The following BRINP3 variants were observed in gnomAD, a reference collection of about 807,000 sequenced individuals.
The protein encoded by BRINP3 is BMP/retinoic acid inducible neural specific 3, also known as BMP/retinoic acid-inducible neural-specific protein 3.
A neutral mutation model predicts 71.0 loss-of-function variants in BRINP3; 19 were observed. The ratio of observed to expected loss-of-function variants is 0.27; its 90% CI spans 0.19 to 0.39. BRINP3 has a LOEUF of 0.39. BRINP3 is among the 10% of genes least tolerant of loss of function. The pLI, the probability that BRINP3 is intolerant of heterozygous loss-of-function variation, is 1.00. For synonymous variants in BRINP3, 380 were observed against 337.7 expected (o/e 1.13, Z -1.37); for missense variants, 959 against 940.8 (o/e 1.02, Z -0.25).
At chr1:190,396,476 T>C (rs878929993) in intron 2 of BRINP3, among the ~76,000 whole-genome samples, 1 of 151,258 alleles carries the variant, frequency 6.6e-6, no homozygotes, top group South Asian at 2.1e-4. Context: ...TTGTAAGTCT[T>C]CAAAAACTAG....
intron 2 of BRINP3, among the ~76,000 whole-genome samples, chr1:190,376,069 C>T (rs1383294581): frequency 6.6e-6 from 1 of 151,940 alleles, no homozygotes; most frequent in African/African-American, 2.4e-5. Flanking sequence ...AATTTTAAGG[C>T]ACTCACAGTT....
intron 7 of BRINP3, among the ~76,000 whole-genome samples, chr1:190,101,245 A>G (rs931123508): frequency 7.9e-5 from 12 of 152,180 alleles, no homozygotes; most frequent in African/African-American, 2.4e-4. Flanking sequence ...TCTCTCAAAA[A>G]TTCTCCCAAA....
chr1:190,321,313 T>G (rs185868364), intron 2 of BRINP3, among the ~76,000 whole-genome samples: 1 of 152,224 alleles, frequency 6.6e-6, no homozygotes, highest in East Asian at 1.9e-4. Context: ...TAACTGTAAT[T>G]TGAATTAAGT....
At chr1:190,292,622 C>A (rs761022326) in intron 2 of BRINP3, among the ~76,000 whole-genome samples, 7 of 152,124 alleles carry the variant, frequency 4.6e-5, no homozygotes, top group Non-Finnish European at 1.0e-4. Flanking sequence ...CACTGCACCT[C>A]AGCCTGGGTG....
chr1:190,360,467 T>G (rs1669068639), intron 2 of BRINP3, among the ~76,000 whole-genome samples: 1 of 152,214 alleles, frequency 6.6e-6, no homozygotes, highest in Non-Finnish European at 1.5e-5. Context: ...AGGTGTATCA[T>G]GAGTAAGTTC....
chr1:190,165,462 G>T (rs2488476), intron 6 of BRINP3, among the ~76,000 whole-genome samples: 14,011 of 55,510 alleles, frequency 0.25, 1,655 homozygotes, highest in African/African-American at 0.28. Context: ...TTTTTTTTTT[G>T]TGTGTGTGTG....
At chr1:190,332,598 A>G (rs937373845) in intron 2 of BRINP3, among the ~76,000 whole-genome samples, 1 of 151,998 alleles carries the variant, frequency 6.6e-6, no homozygotes, top group Non-Finnish European at 1.5e-5. Context: ...GTCTTTCTCA[A>G]AACAACAGGC....
chr1:190,380,152 G>A (rs1670458538), intron 2 of BRINP3, among the ~76,000 whole-genome samples: 1 of 152,036 alleles, frequency 6.6e-6, no homozygotes, highest in Admixed American at 6.6e-5. Flanking sequence ...CAATAGTCCA[G>A]GTCAAATATG....
chr1:190,120,768 C>T (rs1269854455), intron 7 of BRINP3, among the ~76,000 whole-genome samples: 1 of 151,862 alleles, frequency 6.6e-6, no homozygotes, highest in Non-Finnish European at 1.5e-5. Context: ...TCCCAAAGTG[C>T]TGGTATTACA....
intron 7 of BRINP3, among the ~76,000 whole-genome samples, chr1:190,133,490 A>C (rs1216692622): frequency 1.3e-5 from 2 of 152,102 alleles, no homozygotes; most frequent in South Asian, 2.1e-4. Context: ...GAGGTGTTAT[A>C]GATAATTTGG....
intron 4 of BRINP3, among the ~76,000 whole-genome samples, chr1:190,243,135 A>G (rs1659269204): frequency 6.6e-6 from 1 of 152,122 alleles, no homozygotes; most frequent in East Asian, 1.9e-4. Flanking sequence ...AGACAACAGA[A>G]GTTTTCTAAG....
At chr1:190,249,281 A>C (rs930442577) in intron 4 of BRINP3, among the ~76,000 whole-genome samples, 3 of 151,750 alleles carry the variant, frequency 2.0e-5, no homozygotes, top group African/African-American at 7.3e-5. Flanking sequence ...CACTGAATAA[A>C]CCTTCACCAA....
At chr1:190,126,535 G>A (rs538622933) in intron 7 of BRINP3, among the ~76,000 whole-genome samples, 138 of 152,024 alleles carry the variant, frequency 9.1e-4, no homozygotes, top group Non-Finnish European at 1.7e-3. Flanking sequence ...GTTAATTGAA[G>A]CAAGACACCT....
rs1021997106 is a variant in BRINP3, at chr1:190,267,401, C to T, written c.428-2346G>A. On this transcript the variant is annotated intron_variant, in intron 3 of 7. Coordinates refer to ENST00000367462, the MANE Select transcript of BRINP3 (RefSeq NM_199051.3). ...TATTGTATAATATTTGAATGATAGG[C>T]TAACTTAAGGCAAAATTACAAATTT... Among the ~76,000 whole-genome samples, 4 of 151,762 alleles carry T rather than the reference C, an allele frequency of 2.6e-5. No homozygotes were observed. The East Asian group carries it at 7.7e-4, about 29-fold the overall frequency.
intron 7 of BRINP3, among the ~76,000 whole-genome samples, chr1:190,140,329 T>C (rs1433417024): frequency 6.6e-6 from 1 of 152,120 alleles, no homozygotes; most frequent in African/African-American, 2.4e-5. Flanking sequence ...ATATAAAGAT[T>C]CATAGAAAGA....
chr1:190,316,055 C>G (rs1003599170), intron 2 of BRINP3, among the ~76,000 whole-genome samples: 3 of 148,408 alleles, frequency 2.0e-5, no homozygotes, highest in Non-Finnish European at 3.0e-5. Context: ...CAACTGGACA[C>G]CGGTGCAGCT....
chr1:190,379,810 C>G (rs1670423486), intron 2 of BRINP3, among the ~76,000 whole-genome samples: 1 of 151,638 alleles, frequency 6.6e-6, no homozygotes, highest in Non-Finnish European at 1.5e-5. Flanking sequence ...CCAGCCTGGC[C>G]AACATGGTGA....
At chr1:190,450,583 A>G (rs1048837916) in intron 2 of BRINP3, among the ~76,000 whole-genome samples, 5 of 152,152 alleles carry the variant, frequency 3.3e-5, no homozygotes, top group African/African-American at 1.2e-4. Flanking sequence ...CTTTATCAGT[A>G]AATACTTGTC....
chr1:190,297,139 C>G (rs1226468184), intron 2 of BRINP3, among the ~76,000 whole-genome samples: 1 of 151,624 alleles, frequency 6.6e-6, no homozygotes, highest in Non-Finnish European at 1.5e-5. Flanking sequence ...GACTTTATAC[C>G]TCCTGATTTC....
Sources: allele counts gnomAD v4.1 joint callset (sites outside exome capture counted in the v4.1 genomes callset), GRCh38; gene constraint gnomAD v4.1.1; transcripts MANE v1.5; gene names NCBI Gene and HGNC (gene_info 2026-07-23, HGNC 2026-07-21).